The following DCLRE1A variants were observed in gnomAD, a reference collection of about 807,000 sequenced individuals.
The protein encoded by DCLRE1A is DNA cross-link repair 1A, also known as DNA cross-link repair 1A protein.
In DCLRE1A, 64 loss-of-function variants were observed where a neutral mutation model predicts 91.9. That is an observed-to-expected ratio of 0.70 (90% confidence interval 0.57 to 0.86). DCLRE1A has a LOEUF of 0.86. Ranked by LOEUF, DCLRE1A falls within the 40% of genes least tolerant of loss-of-function variation. DCLRE1A has a pLI of 0.00. For synonymous variants in DCLRE1A, 416 were observed against 431.1 expected (o/e 0.96, Z 0.43); for missense variants, 1,145 against 1,213.3 (o/e 0.94, Z 0.84).
At chr10:113,837,002 T>C (rs1477789787) in intron 8 of DCLRE1A, 60 bp downstream of exon 8, 6 of 1,420,744 alleles carry the variant, frequency 4.2e-6, no homozygotes, top group African/African-American at 2.9e-5. Context: ...TTATTACATT[T>C]TTTAAAATGT....
intron 7 of DCLRE1A, among the ~76,000 whole-genome samples, chr10:113,839,838 T>C (rs1845418969): frequency 6.6e-6 from 1 of 152,174 alleles, no homozygotes; most frequent in South Asian, 2.1e-4. Flanking sequence ...GAACTTGTGT[T>C]TTATTATAAA....
rs1164278136 is a variant in DCLRE1A, at chr10:113,842,371, G to A, written c.2637C>T (p.Tyr879=). 6.2e-7 allele frequency: 1 copy of A among 1,613,616 alleles called. No individual in the cohort carries two copies. The highest frequency in any genetic ancestry group is 8.5e-7 in the Non-Finnish European group (1 of 1,179,642). ...GGAAGACTTTCTCTTTTCCAATAGA[G>A]TAAGTGCCACAGACAACAAGAGCAT... ...NPHALVVCGT[Y]SIGKEKVFLA... Residue 879 remains tyrosine (Y), a synonymous_variant, in exon 6 of 9, where the codon TAC becomes TAT. Transcript: ENST00000361384.
chr10:113,846,337 A>T (rs987435909), intron 3 of DCLRE1A, among the ~76,000 whole-genome samples: 3 of 152,184 alleles, frequency 2.0e-5, no homozygotes, highest in Non-Finnish European at 4.4e-5. Context: ...TTCCTGAAGC[A>T]TGCTTCAAGA....
chr10:113,844,918 A>G (rs1845507237), intron 4 of DCLRE1A, among the ~76,000 whole-genome samples: 2 of 152,054 alleles, frequency 1.3e-5, no homozygotes, highest in Non-Finnish European at 2.9e-5. Context: ...CCTGGGCAAA[A>G]AAAGCGAAAC....
At chr10:113,842,640 G>T in intron 5 of DCLRE1A, 152 bp from the exon 6 acceptor site, 1 of 569,698 alleles carries the variant, frequency 1.8e-6, no homozygotes, top group Non-Finnish European at 2.8e-6. Flanking sequence ...CCTGTGGTTG[G>T]AATTATTTGC....
At chr10:113,840,511 G>C (rs1472510114) in intron 7 of DCLRE1A, among the ~76,000 whole-genome samples, 3 of 152,068 alleles carry the variant, frequency 2.0e-5, no homozygotes, top group African/African-American at 7.2e-5. Context: ...CTATTTTTCA[G>C]ATCTTGCTCA....
chr10:113,841,679 CT>C, intron 6 of DCLRE1A, 119 bp from the exon 7 acceptor site: 1 of 1,033,080 alleles, frequency 9.7e-7, no homozygotes, highest in Non-Finnish European at 1.4e-6. Flanking sequence ...AACATTCACA[CT>C]TTTACCATGA....
At position 113,850,097 on chromosome 10, in the gene DCLRE1A, T is replaced by A. The variant is rs1054664929; in HGVS notation, c.1008A>T (p.Glu336Asp). 4 of 1,613,960 alleles carry A rather than the reference T, an allele frequency of 2.5e-6. No homozygotes were observed. The highest frequency in any genetic ancestry group is 3.4e-6 in the Non-Finnish European group (4 of 1,179,958). ...TAAAAAAACCACAGCTGTCATCATC[T>A]TCTTCGAGGCTGCCATCTTTTGAGC... The part of the protein sequence containing the change: ...TESSKDGSLE[E>D]DDDSCGFFKK... The change falls in exon 2 of 9, where the codon GAA becomes GAT. Residue 336 changes from glutamate to aspartate, a missense_variant. Coordinates refer to ENST00000361384, the MANE Select transcript of DCLRE1A (RefSeq NM_014881.5).
rs1284653670 is a variant in DCLRE1A at position 113,849,554 on chromosome 10, T to C, written c.1551A>G (p.Lys517=). ...AGTTTTCTGTATTTAAAATTGTAGC[T>C]TTACCAACTGGCACACCCTCTAATG... is the stretch of plus-strand genomic sequence containing the variant. ...RKALEGVPVG[K]ATILNTENLS... Residue 517 remains lysine (K), a synonymous_variant, in exon 2 of 9, where the codon AAA becomes AAG. Transcript: ENST00000361384. 1 of 1,613,840 alleles carries C rather than the reference T, an allele frequency of 6.2e-7. No homozygotes were observed. Among genetic ancestry groups the C allele is most frequent in the South Asian group, 1.1e-5 (1 of 91,070 alleles).
Position 113,850,619 on chromosome 10 carries a change from G to A in DCLRE1A, c.486C>T (p.Thr162=). The A allele has an allele frequency of 6.2e-7, 1 of 1,608,654 alleles. No individual in the cohort carries two copies. Residue 162 remains threonine, a synonymous_variant, in exon 2 of 9, where the codon ACC becomes ACT. Coordinates refer to ENST00000361384, the MANE Select transcript of DCLRE1A (RefSeq NM_014881.5). ...ETECPDGLLC[T]STIPFHYKRY... ...TCTTGTAATGAAAAGGAATGGTTGA[G>A]GTACACAGAAGACCATCAGGACACT...
rs1845694186 is a variant in DCLRE1A at position 113,853,452 on chromosome 10, T to C, written c.-270A>G. On this transcript the variant is annotated 5_prime_UTR_variant, in exon 1 of 9. The change abolishes an upstream ATG in the 5' untranslated region. Coordinates refer to ENST00000361384, the MANE Select transcript of DCLRE1A (RefSeq NM_014881.5). ...GGAGTAGCAACTGTGAAGTTCTCCA[T>C]TATGGGTGCTATTTCATTCAAATAT... 3.0e-6 allele frequency: 1 copy of C among 328,748 alleles called. No homozygotes were observed. Among genetic ancestry groups the C allele is most frequent in the African/African-American group, 2.1e-5 (1 of 46,582 alleles). 20.4% of individuals were successfully genotyped at this position (328,748 alleles called of 1,614,324 possible).
chr10:113,847,099 A>T, intron 3 of DCLRE1A, 103 bp downstream of exon 3: 3 of 1,122,886 alleles, frequency 2.7e-6, no homozygotes, highest in Non-Finnish European at 3.6e-6. Context: ...TTTTTTTTCT[A>T]GTAGAATGAA....
chr10:113,848,957 C>G (rs753691669), intron 2 of DCLRE1A, 23 bp downstream of exon 2: 2 of 1,592,286 alleles, frequency 1.3e-6, no homozygotes, highest in Non-Finnish European at 1.7e-6. Flanking sequence ...GTTGATATAT[C>G]GAGTATTGAC....
Position 113,837,195 on chromosome 10 carries a change from C to T in DCLRE1A, c.2829G>A (p.Gln943=), listed in dbSNP as rs2134645178. The change falls in exon 8 of 9, where the codon CAG becomes CAA. Residue 943 remains glutamine (Q), a synonymous_variant. Transcript: ENST00000361384. ...PMMQINFKGL[Q]SHLKKCGGKY... is the part of the protein sequence containing the mutation. ...TCCCACCACACTTCTTCAAATGACT[C>T]TGTAAGCCCTGTTAAATTAAAATAG... 5.0e-6 allele frequency: 8 copies of T among 1,608,122 alleles called. No homozygotes were observed. Among genetic ancestry groups the T allele is most frequent in the Non-Finnish European group, 6.8e-6 (8 of 1,178,236 alleles).
chr10:113,841,480 T>C lies in DCLRE1A; in HGVS notation c.2746A>G (p.Ile916Val). 1 of 1,613,740 alleles carries C rather than the reference T, an allele frequency of 6.2e-7. No individual in the cohort carries two copies. The highest frequency in any genetic ancestry group is 1.1e-5 in the South Asian group (1 of 91,034). Residue 916 changes from isoleucine to valine, a missense_variant, in exon 7 of 9, where the codon ATT becomes GTT. Physicochemically the swap from Ile to Val is conservative, Grantham distance 29 (BLOSUM62 3). Transcript: ENST00000361384. ...ATGTCGGTAGTGATGAGTGAATTAA[T>C]TTCTGGTATATTGAGGCACTGTAGA... ...KTLQCLNIPE[I>V]NSLITTDMCS...
intron 8 of DCLRE1A, 22 bp downstream of exon 8, chr10:113,837,040 T>A: frequency 6.4e-7 from 1 of 1,560,418 alleles, no homozygotes. Context: ...ACACTAAAAG[T>A]GAGAAAATTT....
In DCLRE1A at chr10:113,841,401, C is replaced by T; in HGVS notation, c.2820+5G>A. On this transcript the variant is annotated splice_donor_5th_base_variant and intron_variant, in intron 7 of 8. Coordinates refer to ENST00000361384, the MANE Select transcript of DCLRE1A (RefSeq NM_014881.5). ...TCCTAAAAGACATATCTCTTGAATGCTTACCTTAAAATTAATTTGCATCAT... is the reference window on the plus strand; with the variant it reads ...TCCTAAAAGACATATCTCTTGAATGTTTACCTTAAAATTAATTTGCATCAT... 1 of 1,611,448 alleles carries T rather than the reference C, an allele frequency of 6.2e-7. No homozygotes were observed. The highest frequency in any genetic ancestry group is 8.5e-7 in the Non-Finnish European group (1 of 1,179,028).
At chr10:113,838,542 T>G (rs780122137) in intron 7 of DCLRE1A, among the ~76,000 whole-genome samples, 3 of 152,192 alleles carry the variant, frequency 2.0e-5, no homozygotes, top group Non-Finnish European at 2.9e-5. Flanking sequence ...AAAAAAAGAC[T>G]ACCAGCAGCT....
At chr10:113,848,260 T>G (rs936958050) in intron 2 of DCLRE1A, among the ~76,000 whole-genome samples, 1 of 151,884 alleles carries the variant, frequency 6.6e-6, no homozygotes, top group Non-Finnish European at 1.5e-5. Context: ...GAGCTTGCAG[T>G]GAGCTGAGAT....
Sources: allele counts gnomAD v4.1 joint callset (sites outside exome capture counted in the v4.1 genomes callset), GRCh38; gene constraint gnomAD v4.1.1; transcripts MANE v1.5; gene names NCBI Gene and HGNC (gene_info 2026-07-23, HGNC 2026-07-21).